The following LYPLAL1 variants were observed in gnomAD, a reference collection of about 807,000 sequenced individuals.
LYPLAL1 encodes the protein lysophospholipase like 1.
Under a neutral mutation model 19.7 loss-of-function variants are expected in LYPLAL1, and 23 were observed. That is an observed-to-expected ratio of 1.17 (90% CI 0.84 to 1.65). The LOEUF (loss-of-function observed/expected upper bound fraction) is 1.65. LYPLAL1 is among the 40% of genes most tolerant of loss of function. The pLI is 0.00. For missense variants in LYPLAL1, 355 were observed against 279.4 expected, an observed-to-expected ratio of 1.27 and a Z score of -1.93; for synonymous variants, 119 against 96.3, an observed-to-expected ratio of 1.24 and a Z score of -1.38.
At chr1:219,245,901 C>T in the LYPLAL1 span, among the ~76,000 whole-genome samples, 2 of 152,020 alleles carry the variant, frequency 1.3e-5, no homozygotes, top group Non-Finnish European at 2.9e-5. Context: ...GGACTCGAGT[C>T]GATAAACAAC....
At chr1:219,178,553 A>G (rs1471524467) in intron 1 of LYPLAL1, among the ~76,000 whole-genome samples, 1 of 152,212 alleles carries the variant, frequency 6.6e-6, no homozygotes, top group African/African-American at 2.4e-5. Flanking sequence ...GTAAATACAT[A>G]TACATTAATA....
At chr1:219,198,743 A>T (rs1657819543) in intron 3 of LYPLAL1, 1 of 152,168 alleles carries the variant, frequency 6.6e-6, no homozygotes, top group Admixed American at 6.5e-5. Context: ...CTATGTTTTA[A>T]TATTACGTGA....
chr1:219,269,499 GC>G, the LYPLAL1 span, among the ~76,000 whole-genome samples: 1 of 152,148 alleles, frequency 6.6e-6, no homozygotes, highest in Non-Finnish European at 1.5e-5. Flanking sequence ...GGGTAAATAG[GC>G]AGGGACCAAA....
the LYPLAL1 span, among the ~76,000 whole-genome samples, chr1:219,223,821 G>A: frequency 5.3e-5 from 8 of 152,026 alleles, no homozygotes; most frequent in African/African-American, 1.9e-4. Context: ...TTACAAAATA[G>A]CTTGTTACTT....
At chr1:219,376,820 A>G in the LYPLAL1 span, among the ~76,000 whole-genome samples, 1 of 152,216 alleles carries the variant, frequency 6.6e-6, no homozygotes, top group Non-Finnish European at 1.5e-5. Context: ...CTACAACAAC[A>G]AAACATACAA....
the LYPLAL1 span, among the ~76,000 whole-genome samples, chr1:219,387,755 C>T: frequency 1.3e-5 from 2 of 152,196 alleles, no homozygotes; most frequent in Non-Finnish European, 2.9e-5. Flanking sequence ...TTGCTCTTCA[C>T]TTTCATTTTA....
intron 2 of LYPLAL1, among the ~76,000 whole-genome samples, chr1:219,183,537 G>A (rs912482498): frequency 6.6e-6 from 1 of 151,928 alleles, no homozygotes. Flanking sequence ...CCTCAATTAA[G>A]TTGGAGAATA....
chr1:219,185,081 A>G (rs1208224076), intron 2 of LYPLAL1, among the ~76,000 whole-genome samples: 1 of 151,928 alleles, frequency 6.6e-6, no homozygotes, highest in Non-Finnish European at 1.5e-5. Flanking sequence ...AATTTCTTTC[A>G]TAGAACCAGG....
chr1:219,341,352 C>A, the LYPLAL1 span, among the ~76,000 whole-genome samples: 1 of 152,080 alleles, frequency 6.6e-6, no homozygotes, highest in Non-Finnish European at 1.5e-5. Context: ...TTGCAGTATA[C>A]CCACATGCAG....
the LYPLAL1 span, among the ~76,000 whole-genome samples, chr1:219,375,149 C>G: frequency 6.6e-6 from 1 of 152,046 alleles, no homozygotes; most frequent in Admixed American, 6.6e-5. Flanking sequence ...ATACAGTAGA[C>G]AGATTAAAAA....
rs1232221971 is a variant in LYPLAL1 at position 219,179,251 on chromosome 1, G to T, written c.191+5G>T. 1 of 1,585,378 alleles carries T rather than the reference G, an allele frequency of 6.3e-7. No homozygotes were observed. Reference sequence around the variant, plus strand: ...TTATCCAACAGCTCCTCCCAGGTATGCAGTAATTTATCTCACTTGTCAATA... The same window carrying T: ...TTATCCAACAGCTCCTCCCAGGTATTCAGTAATTTATCTCACTTGTCAATA... On this transcript the variant is annotated splice_donor_5th_base_variant and intron_variant, in intron 2 of 4. Coordinates refer to ENST00000366928, the MANE Select transcript of LYPLAL1 (RefSeq NM_138794.5).
the LYPLAL1 span, among the ~76,000 whole-genome samples, chr1:219,257,518 G>C: frequency 6.6e-6 from 1 of 151,998 alleles, no homozygotes; most frequent in East Asian, 1.9e-4. Context: ...CACCAGGGGA[G>C]ACATCACATA....
the LYPLAL1 span, among the ~76,000 whole-genome samples, chr1:219,377,656 T>C: frequency 6.6e-6 from 1 of 152,146 alleles, no homozygotes; most frequent in African/African-American, 2.4e-5. Context: ...TTCTATATAA[T>C]GGATACTTAT....
the LYPLAL1 span, among the ~76,000 whole-genome samples, chr1:219,313,640 T>C: frequency 6.6e-6 from 1 of 152,102 alleles, no homozygotes; most frequent in Admixed American, 6.5e-5. Flanking sequence ...GTTCATGTGA[T>C]TCTCCTGCCT....
At chr1:219,258,682 T>C in the LYPLAL1 span, among the ~76,000 whole-genome samples, 12 of 152,186 alleles carry the variant, frequency 7.9e-5, no homozygotes, top group South Asian at 2.5e-3. Flanking sequence ...GTTTTCTGTT[T>C]GTGCCATCTT....
chr1:219,325,817 A>G, the LYPLAL1 span, among the ~76,000 whole-genome samples: 2 of 152,270 alleles, frequency 1.3e-5, no homozygotes, highest in African/African-American at 4.8e-5. Flanking sequence ...TTGTTTCCAT[A>G]TCTTCTGACC....
At chr1:219,213,069 A>G (rs111614541), downstream of LYPLAL1, among the ~76,000 whole-genome samples, 15 of 152,146 alleles carry the variant, frequency 9.9e-5, 2 homozygotes, top group African/African-American at 3.4e-4. Context: ...TCCTTTATCC[A>G]TTCAGTAAGT....
chr1:219,356,018 C>T, the LYPLAL1 span, among the ~76,000 whole-genome samples: 1 of 152,228 alleles, frequency 6.6e-6, no homozygotes, highest in African/African-American at 2.4e-5. Flanking sequence ...CTTGACAACT[C>T]TAACAGGTTT....
At chr1:219,385,669 G>T in the LYPLAL1 span, among the ~76,000 whole-genome samples, 2 of 151,920 alleles carry the variant, frequency 1.3e-5, no homozygotes, top group African/African-American at 2.4e-5. Flanking sequence ...TTTTCTCTTT[G>T]CAAGCTTTAA....
Sources: gnomAD v4.1 joint callset for allele counts (sites outside exome capture counted in the v4.1 genomes callset) on GRCh38, gnomAD v4.1.1 for gene constraint, MANE v1.5 for transcripts, NCBI Gene and HGNC (gene_info 2026-07-23, HGNC 2026-07-21) for gene names.